MIR2052HG: variants seen among roughly 807,000 people sequenced by gnomAD.
MIR2052HG encodes the protein MIR2052 host gene.
At position 74,750,411 on chromosome 8, in the gene MIR2052HG, G is replaced by A. The variant is rs375470538; in HGVS notation, n.372-2030G>A. Among the ~76,000 whole-genome samples the A allele has an allele frequency of 4.1e-4, 62 of 152,264 alleles. 1 individual carries two copies. Among genetic ancestry groups the A allele is most frequent in the African/African-American group, 1.4e-3 (57 of 41,572 alleles). ...CTGAAAAATTCAACATCTGAGATGT[G>A]TAGTAATCATAGATTTTACAATCAT... On this transcript the variant is annotated intron_variant and non_coding_transcript_variant, in intron 4 of 6. Coordinates refer to ENST00000523442, the Ensembl canonical transcript of MIR2052HG.
chr8:74,605,891 C>T (rs968138889), intron 1 of MIR2052HG, among the ~76,000 whole-genome samples: 1 of 152,038 alleles, frequency 6.6e-6, no homozygotes, highest in Non-Finnish European at 1.5e-5. Flanking sequence ...TGTACCTTAG[C>T]GAGTTAGAGA....
rs184121660 is a variant in MIR2052HG, at chr8:74,654,784, G to A, written n.216+41844G>A. ...GTAGGGTGTTCCTGAGAAGATACCC[G>A]AAAATGTGGAAGCGACTTTGGAACT... On this transcript the variant is annotated intron_variant and non_coding_transcript_variant, in intron 2 of 6. Transcript: ENST00000523442. Among the ~76,000 whole-genome samples the A allele has an allele frequency of 2.4e-3, 363 of 152,240 alleles. 1 individual carries two copies. The highest frequency in any genetic ancestry group is 8.0e-3 in the African/African-American group (331 of 41,542).
chr8:74,737,646 T>G (rs188424656), intron 4 of MIR2052HG, among the ~76,000 whole-genome samples: 1 of 152,182 alleles, frequency 6.6e-6, no homozygotes, highest in Non-Finnish European at 1.5e-5. Flanking sequence ...GCTCAAATTC[T>G]TGTAGAGAGT....
intron 2 of MIR2052HG, among the ~76,000 whole-genome samples, chr8:74,615,823 C>G (rs182602530): frequency 1.3e-5 from 2 of 152,132 alleles, no homozygotes; most frequent in Admixed American, 1.3e-4. Context: ...CAAGTGTTAT[C>G]ATTGTTCGAT....
chr8:74,725,106 C>G (rs879377779), intron 4 of MIR2052HG, among the ~76,000 whole-genome samples: 1 of 152,254 alleles, frequency 6.6e-6, no homozygotes, highest in African/African-American at 2.4e-5. Flanking sequence ...GAAGCTTGCT[C>G]AAACTCCAGA....
intron 2 of MIR2052HG, among the ~76,000 whole-genome samples, chr8:74,623,065 A>T (rs946354843): frequency 6.6e-6 from 1 of 152,184 alleles, no homozygotes; most frequent in African/African-American, 2.4e-5. Context: ...AGTTCAAGAG[A>T]TCTGTTGTTC....
At chr8:74,612,000 C>A (rs550809184) in intron 1 of MIR2052HG, among the ~76,000 whole-genome samples, 2 of 152,194 alleles carry the variant, frequency 1.3e-5, no homozygotes, top group African/African-American at 4.8e-5. Flanking sequence ...GCTCATCCCC[C>A]GAAGCTCAGG....
intron 2 of MIR2052HG, among the ~76,000 whole-genome samples, chr8:74,701,211 T>C (rs2128740847): frequency 6.6e-6 from 1 of 152,276 alleles, no homozygotes; most frequent in African/African-American, 2.4e-5. Context: ...TATCTGAGGA[T>C]GTTCTTAGTT....
intron 4 of MIR2052HG, among the ~76,000 whole-genome samples, chr8:74,738,432 G>C (rs1166960547): frequency 6.6e-6 from 1 of 151,982 alleles, no homozygotes; most frequent in Non-Finnish European, 1.5e-5. Context: ...TTTATACAAG[G>C]ATTCCTGAAA....
At chr8:74,646,180 C>T (rs1258352106) in intron 2 of MIR2052HG, among the ~76,000 whole-genome samples, 3 of 152,128 alleles carry the variant, frequency 2.0e-5, no homozygotes, top group Non-Finnish European at 2.9e-5. Context: ...TACAGAATGT[C>T]TCTTCTCCAT....
intron 2 of MIR2052HG, among the ~76,000 whole-genome samples, chr8:74,689,117 C>G (rs557245715): frequency 6.6e-4 from 101 of 152,240 alleles, no homozygotes; most frequent in Non-Finnish European, 1.2e-3. Context: ...TGTGCAGATA[C>G]AACCATACGT....
intron 2 of MIR2052HG, among the ~76,000 whole-genome samples, chr8:74,675,496 G>T (rs1809041022): frequency 6.6e-6 from 1 of 151,986 alleles, no homozygotes; most frequent in Non-Finnish European, 1.5e-5. Flanking sequence ...GAGGATTTTA[G>T]TATCTATAGG....
At chr8:74,683,933 G>GT (rs1276197995) in intron 2 of MIR2052HG, among the ~76,000 whole-genome samples, 5 of 152,006 alleles carry the variant, frequency 3.3e-5, no homozygotes, top group Admixed American at 3.3e-4. Context: ...AGATGTCCTG[G>GT]TGGTACCTTC....
chr8:74,674,093 A>G (rs964320654), intron 2 of MIR2052HG, among the ~76,000 whole-genome samples: 1 of 151,294 alleles, frequency 6.6e-6, no homozygotes, highest in South Asian at 2.1e-4. Flanking sequence ...ACATAATGGA[A>G]GTTACAATGA....
At chr8:74,702,079 G>A (rs553969159) in intron 2 of MIR2052HG, among the ~76,000 whole-genome samples, 211 of 152,106 alleles carry the variant, frequency 1.4e-3, no homozygotes, top group Non-Finnish European at 2.2e-3. Context: ...AATAGAGAGG[G>A]CACAGGTTAA....
chr8:74,603,467 C>T, intron 1 of MIR2052HG: 1 of 1,603,760 alleles, frequency 6.2e-7, no homozygotes, highest in South Asian at 1.1e-5. Context: ...ATTTTGGCGC[C>T]TTGACGCCCG....
chr8:74,627,238 ATTTG>A (rs1446260459), intron 2 of MIR2052HG, among the ~76,000 whole-genome samples: 2 of 152,204 alleles, frequency 1.3e-5, no homozygotes, highest in East Asian at 3.9e-4. Flanking sequence ...AAGTACCATC[ATTTG>A]TTTAATCTCT....
At chr8:74,640,102 G>A (rs1421151614) in intron 2 of MIR2052HG, among the ~76,000 whole-genome samples, 1 of 152,108 alleles carries the variant, frequency 6.6e-6, no homozygotes. Flanking sequence ...TAGTTTGAAA[G>A]CAAGAGCATT....
chr8:74,692,915 C>A (rs113838828), intron 2 of MIR2052HG, among the ~76,000 whole-genome samples: 1 of 151,858 alleles, frequency 6.6e-6, no homozygotes, highest in South Asian at 2.1e-4. Context: ...TTTTCTTTCT[C>A]GGGGTATGAT....
Sources: allele counts gnomAD v4.1 joint callset (sites outside exome capture counted in the v4.1 genomes callset), GRCh38; gene constraint gnomAD v4.1.1; transcripts MANE v1.5; gene names NCBI Gene and HGNC (gene_info 2026-07-23, HGNC 2026-07-21).